The following RAI14 variants were observed in gnomAD, a reference collection of about 807,000 sequenced individuals.
RAI14 encodes the protein ankycorbin.
RAI14 carries 45 observed loss-of-function variants against 115.4 expected under a neutral mutation model. That is an observed-to-expected ratio of 0.39 (90% CI 0.31 to 0.50). RAI14 has a LOEUF of 0.50. RAI14 is among the 20% of genes least tolerant of loss of function. RAI14 has a pLI of 0.85. For missense variants in RAI14, 939 were observed against 1,131.2 expected (o/e 0.83, Z 2.44); for synonymous variants, 371 against 415.4 (o/e 0.89, Z 1.30).
chr5:34,776,105 TC>T (rs1750803387), intron 3 of RAI14, among the ~76,000 whole-genome samples: 1 of 152,130 alleles, frequency 6.6e-6, no homozygotes, highest in Non-Finnish European at 1.5e-5. Flanking sequence ...AAGAATGAGA[TC>T]CTGTCATTTG....
At chr5:34,770,727 G>A (rs1750046325) in intron 3 of RAI14, among the ~76,000 whole-genome samples, 1 of 152,184 alleles carries the variant, frequency 6.6e-6, no homozygotes, top group South Asian at 2.1e-4. Context: ...TGAATAGGGA[G>A]AGTCCTAGAA....
At chr5:34,772,686 C>T (rs1478068969) in intron 3 of RAI14, among the ~76,000 whole-genome samples, 1 of 152,114 alleles carries the variant, frequency 6.6e-6, no homozygotes, top group Non-Finnish European at 1.5e-5. Flanking sequence ...CCTGAATCAC[C>T]CTCCAGCCTC....
chr5:34,753,064 G>A (rs558560735), intron 2 of RAI14, among the ~76,000 whole-genome samples: 4 of 152,116 alleles, frequency 2.6e-5, no homozygotes, highest in South Asian at 2.1e-4. Context: ...GAGGTTAACC[G>A]ATAAACTATA....
chr5:34,775,647 G>A (rs902622408), intron 3 of RAI14, among the ~76,000 whole-genome samples: 1 of 152,152 alleles, frequency 6.6e-6, no homozygotes, highest in African/African-American at 2.4e-5. Flanking sequence ...ACAGGTGTAC[G>A]AAAACATGCT....
intron 3 of RAI14, chr5:34,757,838 G>A (rs1443901463): frequency 3.4e-5 from 10 of 294,422 alleles, no homozygotes; most frequent in South Asian, 1.1e-4. Flanking sequence ...TCCTAAGATT[G>A]CAACCAATTG....
chr5:34,683,903 A>G (rs1364708514), intron 1 of RAI14, among the ~76,000 whole-genome samples: 1 of 151,890 alleles, frequency 6.6e-6, no homozygotes, highest in East Asian at 1.9e-4. Flanking sequence ...AATTTTTTGT[A>G]TTTTTAGCAG....
At chr5:34,671,095 C>T (rs904286898) in intron 1 of RAI14, among the ~76,000 whole-genome samples, 36 of 152,254 alleles carry the variant, frequency 2.4e-4, no homozygotes, top group African/African-American at 7.9e-4. Flanking sequence ...AGATGCTGTA[C>T]AGCAAGTAAA....
At chr5:34,805,733 C>T (rs184632309) in intron 5 of RAI14, among the ~76,000 whole-genome samples, 71 of 152,114 alleles carry the variant, frequency 4.7e-4, no homozygotes, top group African/African-American at 1.4e-3. Context: ...CCCAGCTACT[C>T]GAGAGGCTGA....
intron 2 of RAI14, among the ~76,000 whole-genome samples, chr5:34,725,496 C>G (rs547866700): frequency 2.6e-5 from 4 of 152,054 alleles, no homozygotes; most frequent in African/African-American, 9.6e-5. Context: ...TCTCCCACCC[C>G]CTTCCCTCTT....
intron 16 of RAI14, among the ~76,000 whole-genome samples, chr5:34,829,107 A>G (rs774502844): frequency 6.6e-6 from 1 of 151,290 alleles, no homozygotes; most frequent in Non-Finnish European, 1.5e-5. Flanking sequence ...GCATAAGTAT[A>G]TGTACATATA....
At chr5:34,663,244 G>T (rs1440096282) in intron 1 of RAI14, among the ~76,000 whole-genome samples, 4 of 152,122 alleles carry the variant, frequency 2.6e-5, no homozygotes, top group Non-Finnish European at 4.4e-5. Context: ...GGCCAGGCAT[G>T]GTGGTTCACA....
intron 2 of RAI14, among the ~76,000 whole-genome samples, chr5:34,712,221 T>G (rs1315839496): frequency 2.0e-5 from 3 of 152,244 alleles, no homozygotes; most frequent in Non-Finnish European, 2.9e-5. Flanking sequence ...GAGTTTCGTT[T>G]AAGTTATAAA....
At chr5:34,701,428 G>T (rs34456907) in intron 2 of RAI14, among the ~76,000 whole-genome samples, 35,354 of 152,000 alleles carry the variant, frequency 0.23, 4,922 homozygotes, top group Middle Eastern at 0.32. Flanking sequence ...TAGGAAACAT[G>T]TGTCATCTGT....
chr5:34,773,205 A>G (rs1224562039), intron 3 of RAI14, among the ~76,000 whole-genome samples: 2 of 152,216 alleles, frequency 1.3e-5, no homozygotes, highest in Non-Finnish European at 2.9e-5. Context: ...TTGGATATCC[A>G]TATGTAGAAG....
At chr5:34,822,835 C>G in intron 14 of RAI14, 121 bp from the exon 15 acceptor site, 1 of 858,066 alleles carries the variant, frequency 1.2e-6, no homozygotes, top group Non-Finnish European at 1.7e-6. Flanking sequence ...AGGCGCCCGC[C>G]ACCACGCCCG....
chr5:34,783,534 C>T (rs967092952), intron 3 of RAI14, among the ~76,000 whole-genome samples: 2 of 152,188 alleles, frequency 1.3e-5, no homozygotes, highest in African/African-American at 2.4e-5. Context: ...TCCCACCAAA[C>T]CAGTTGTTCT....
At chr5:34,710,985 T>C (rs898903929) in intron 2 of RAI14, among the ~76,000 whole-genome samples, 6 of 152,128 alleles carry the variant, frequency 3.9e-5, no homozygotes, top group Non-Finnish European at 8.8e-5. Flanking sequence ...ACTGACTAGG[T>C]TTGACCTGGT....
At chr5:34,801,257 C>G (rs886326805) in intron 4 of RAI14, among the ~76,000 whole-genome samples, 1 of 152,162 alleles carries the variant, frequency 6.6e-6, no homozygotes, top group Non-Finnish European at 1.5e-5. Context: ...AACTCTCCCC[C>G]ACACCTACCC....
chr5:34,728,318 G>T (rs1468090084), intron 2 of RAI14, among the ~76,000 whole-genome samples: 1 of 152,160 alleles, frequency 6.6e-6, no homozygotes, highest in Non-Finnish European at 1.5e-5. Context: ...ACTTTGGGGG[G>T]CCGTTGGGAA....
Sources: allele counts gnomAD v4.1 joint callset (sites outside exome capture counted in the v4.1 genomes callset), GRCh38; gene constraint gnomAD v4.1.1; transcripts MANE v1.5; gene names NCBI Gene and HGNC (gene_info 2026-07-23, HGNC 2026-07-21).